FH: variants seen among roughly 807,000 people sequenced by gnomAD.
FH encodes the protein fumarate hydratase, mitochondrial.
Under a neutral mutation model 49.4 loss-of-function variants are expected in FH, and 22 were observed. The ratio of observed to expected loss-of-function variants is 0.45; its 90% CI spans 0.32 to 0.64. The LOEUF (loss-of-function observed/expected upper bound fraction) is 0.64. Ranked by LOEUF, FH falls within the 30% of genes least tolerant of loss-of-function variation. The pLI is 0.05. For synonymous variants in FH, 208 were observed against 223.0 expected, an observed-to-expected ratio of 0.93 and a Z score of 0.60; for missense variants, 526 against 641.5, an observed-to-expected ratio of 0.82 and a Z score of 1.95.
intron 1 of FH, 73 bp downstream of exon 1, chr1:241,519,518 G>C: frequency 6.7e-7 from 1 of 1,492,518 alleles, no homozygotes; most frequent in South Asian, 1.3e-5. Context: ...GCCAAGTCGC[G>C]GGCGCCCAGG....
chr1:241,506,765 T>A (rs2147918131), intron 5 of FH, among the ~76,000 whole-genome samples: 1 of 152,298 alleles, frequency 6.6e-6, no homozygotes, highest in East Asian at 1.9e-4. Context: ...TAGAGTCAGA[T>A]CATAGCATCA....
At chr1:241,519,346 A>G in intron 1 of FH, 1 of 482,200 alleles carries the variant, frequency 2.1e-6, no homozygotes, top group Non-Finnish European at 3.6e-6. Context: ...CGGGCCCAGT[A>G]GGACCCTCTC....
chr1:241,505,834 CAAAT>C (rs911111654), intron 6 of FH, among the ~76,000 whole-genome samples, 165 bp downstream of exon 6: 1 of 152,146 alleles, frequency 6.6e-6, no homozygotes, highest in Non-Finnish European at 1.5e-5. Flanking sequence ...TTTTAAAAGG[CAAAT>C]AATTAACATT....
At position 241,497,996 on chromosome 1, in the gene FH, T is replaced by C. The variant is rs746723716; in HGVS notation, c.1391-26A>G. 3.8e-5 allele frequency: 61 copies of C among 1,613,302 alleles called. 2 individuals are homozygous for C. In the Middle Eastern group the frequency reaches 5.8e-3, roughly 153 times the overall value. On this transcript the variant is annotated intron_variant, in intron 9 of 9. Coordinates refer to ENST00000366560, the MANE Select transcript of FH (RefSeq NM_000143.4). Reference sequence around the variant, plus strand: ...CTGAAGAAAAAATAAAAAGACGACATATGGGTTAGCAGTGATATTTGGTTT... The same window carrying C: ...CTGAAGAAAAAATAAAAAGACGACACATGGGTTAGCAGTGATATTTGGTTT...
chr1:241,501,417 T>A (rs1659776915), intron 8 of FH, among the ~76,000 whole-genome samples: 1 of 152,208 alleles, frequency 6.6e-6, no homozygotes, highest in South Asian at 2.1e-4. Context: ...CACCTATAAA[T>A]GCTGGGTATC....
chr1:241,498,469 G>A (rs1011356111), intron 9 of FH, among the ~76,000 whole-genome samples: 1 of 151,608 alleles, frequency 6.6e-6, no homozygotes, highest in Non-Finnish European at 1.5e-5. Context: ...AGGGCCTGGG[G>A]AGGGGTGCCT....
intron 2 of FH, among the ~76,000 whole-genome samples, chr1:241,514,267 C>A (rs1356577075): frequency 5.3e-5 from 8 of 152,170 alleles, no homozygotes; most frequent in Non-Finnish European, 1.2e-4. Flanking sequence ...GCAATCTATT[C>A]TACTTAGCTA....
At chr1:241,505,441 T>C (rs1296015988) in intron 6 of FH, among the ~76,000 whole-genome samples, 1 of 152,220 alleles carries the variant, frequency 6.6e-6, no homozygotes, top group Non-Finnish European at 1.5e-5. Flanking sequence ...AGCTATCATG[T>C]GCAGTGTATA....
At chr1:241,508,175 T>C (rs1659977883) in intron 5 of FH, among the ~76,000 whole-genome samples, 1 of 152,084 alleles carries the variant, frequency 6.6e-6, no homozygotes. Context: ...ATGACGGTGG[T>C]GATGATGGTA....
chr1:241,516,663 T>TC (rs1660220270), intron 2 of FH, among the ~76,000 whole-genome samples: 1 of 151,824 alleles, frequency 6.6e-6, no homozygotes, highest in South Asian at 2.1e-4. Flanking sequence ...AATTAATTTT[T>TC]TTTTTTTTGA....
intron 1 of FH, 76 bp from the exon 2 acceptor site, chr1:241,517,392 T>A: frequency 6.5e-7 from 1 of 1,527,582 alleles, no homozygotes; most frequent in Non-Finnish European, 9.0e-7. Flanking sequence ...TTATCAGCTG[T>A]TAAAGAGAAA....
intron 9 of FH, among the ~76,000 whole-genome samples, chr1:241,498,831 G>A (rs563264479): frequency 5.4e-5 from 8 of 147,836 alleles, no homozygotes; most frequent in Admixed American, 4.1e-4. Flanking sequence ...GAAGAAGCTT[G>A]CTGAGGCAGT....
rs750316531 is a variant in FH, at chr1:241,511,971, C to G, written c.551G>C (p.Ser184Thr). Residue 184 changes from serine (S) to threonine (T), a missense_variant, in exon 4 of 10, where the codon AGC becomes ACC. By Grantham distance (58) the Ser-to-Thr change is moderately conservative. This residue lies in a region of FH where 383 missense variants were observed against 514.0 expected (regional missense o/e 0.75). Transcript: ENST00000366560. ...PVHPNDHVNK[S>T]QSSNDTFPTA... Reference sequence around the variant, plus strand: ...CAGCAAAGCTCACATACTGACCTGGCTTTTATTAACATGATCGTTGGGATG... The same window carrying G: ...CAGCAAAGCTCACATACTGACCTGGGTTTTATTAACATGATCGTTGGGATG... 1 of 1,613,832 alleles carries G rather than the reference C, an allele frequency of 6.2e-7. No individual in the cohort carries two copies. Among genetic ancestry groups the G allele is most frequent in the South Asian group, 1.1e-5 (1 of 91,070 alleles).
rs564513307 is a variant in FH at position 241,516,103 on chromosome 1, G to A, written c.267+1079C>T. ...AAAAAATCTCAGTTTTAAATTAGTG[G>A]GGGAAAAAAGAATGAGTATTGAAAT... is the stretch of plus-strand genomic sequence containing the variant. On this transcript the variant is annotated intron_variant, in intron 2 of 9. Coordinates refer to ENST00000366560, the MANE Select transcript of FH (RefSeq NM_000143.4). Among the ~76,000 whole-genome samples the A allele has an allele frequency of 3.6e-4, 54 of 152,010 alleles. No individual in the cohort carries two copies. In the South Asian group the frequency reaches 0.011, roughly 30 times the overall value.
In FH at chr1:241,506,135, C is replaced by T. The variant is rs751210164; in HGVS notation, c.772G>A (p.Ala258Thr). 3.1e-6 allele frequency: 5 copies of T among 1,613,806 alleles called. No homozygotes were observed. In the South Asian group the frequency reaches 3.3e-5, roughly 11 times the overall value. The change falls in exon 6 of 10, where the codon GCA becomes ACA. Residue 258 changes from alanine to threonine, a missense_variant. Physicochemically the swap from Ala to Thr is moderately conservative, Grantham distance 58 (BLOSUM62 0). Around this residue, in one of 2 missense-constraint regions of FH, gnomAD observed 383 missense variants for 514.0 expected, o/e 0.75. Transcript: ENST00000366560. ...ATGGCAGCTTTTATTCTTGTCATTG[C>T]ATATTTTACTTGTTGAACATAACCA... ...FSGYVQQVKYAMTRIKAAMPR... is the reference protein window; with the variant it reads ...FSGYVQQVKYTMTRIKAAMPR...
chr1:241,498,463 C>T lies in FH; in HGVS notation c.1391-493G>A, dbSNP rs547319069. Among the ~76,000 whole-genome samples the T allele has an allele frequency of 1.1e-4, 17 of 151,548 alleles. No homozygotes were observed. In the East Asian group the frequency reaches 3.3e-3, roughly 30 times the overall value. On this transcript the variant is annotated intron_variant, in intron 9 of 9. Transcript: ENST00000366560. ...CGCAGTGAGGCAGGCGCAGGCAGGG[C>T]CTGGGGAGGGGTGCCTCCAGAGCTG...
In FH at chr1:241,497,986, A is replaced by G. The variant is rs765211217; in HGVS notation, c.1391-16T>C. ...TTGTCATACCCTGAAGAAAAAATAAAAAGACGACATATGGGTTAGCAGTGA... is the reference window on the plus strand; with the variant it reads ...TTGTCATACCCTGAAGAAAAAATAAGAAGACGACATATGGGTTAGCAGTGA... On this transcript the variant is annotated splice_polypyrimidine_tract_variant and intron_variant, in intron 9 of 9. Coordinates refer to ENST00000366560, the MANE Select transcript of FH (RefSeq NM_000143.4). 6.2e-7 allele frequency: 1 copy of G among 1,613,814 alleles called. No homozygotes were observed. Among genetic ancestry groups the G allele is most frequent in the Non-Finnish European group, 8.5e-7 (1 of 1,179,824 alleles).
chr1:241,507,716 C>A (rs1659965431), intron 5 of FH, among the ~76,000 whole-genome samples: 1 of 152,152 alleles, frequency 6.6e-6, no homozygotes, highest in Non-Finnish European at 1.5e-5. Context: ...TACTGTTCCT[C>A]CTTAGAAATT....
rs4660098 is a variant in FH, at chr1:241,500,176, A to G, written c.1390+261T>C. Among the ~76,000 whole-genome samples, 3,709 of 152,246 alleles carry G rather than the reference A, an allele frequency of 0.024. 108 individuals carry two copies. Among genetic ancestry groups the G allele is most frequent in the East Asian group, 0.093 (479 of 5,176 alleles). Reference sequence around the variant, plus strand: ...GAATATTTGGCGTCTGAATTCCATTAAAATCAAAATAAGTTTGAACTACTA... The same window carrying G: ...GAATATTTGGCGTCTGAATTCCATTGAAATCAAAATAAGTTTGAACTACTA... On this transcript the variant is annotated intron_variant, in intron 9 of 9. Coordinates refer to ENST00000366560, the MANE Select transcript of FH (RefSeq NM_000143.4).
Sources: allele counts gnomAD v4.1 joint callset (sites outside exome capture counted in the v4.1 genomes callset), GRCh38; gene constraint gnomAD v4.1.1; regional missense constraint gnomAD v4.1.1; transcripts MANE v1.5; gene names NCBI Gene and HGNC (gene_info 2026-07-23, HGNC 2026-07-21).